Variants in ETS1 observed in about 807,000 individuals in gnomAD.
ETS1 encodes ETS proto-oncogene 1, transcription factor.
In ETS1, 15 loss-of-function variants were observed where a neutral mutation model predicts 58.6. The ratio of observed to expected loss-of-function variants is 0.26; its 90% CI spans 0.17 to 0.39. The LOEUF (loss-of-function observed/expected upper bound fraction) is 0.39, where lower values mean the gene tolerates loss of function less well. ETS1 is among the 10% of genes least tolerant of loss of function. ETS1 has a pLI of 1.00. For missense variants in ETS1, 417 were observed against 610.5 expected, an observed-to-expected ratio of 0.68 and a Z score of 3.34; for synonymous variants, 214 against 218.2, an observed-to-expected ratio of 0.98 and a Z score of 0.17.
At position 128,464,653 on chromosome 11, in the gene ETS1, C is replaced by G. The variant is rs1861987639; in HGVS notation, c.1124-1026G>C. On this transcript the variant is annotated intron_variant, in intron 8 of 9. Transcript: ENST00000392668. The surrounding 1 kb of genome is among the most constrained non-coding windows in gnomAD (Gnocchi z 4.1). ...ACCCAGTCCATGTCTCTGGATACAG[C>G]CCAGGAAGCACCAGCTCCTACAGGA... Among the ~76,000 whole-genome samples, 1 of 152,118 alleles carries G rather than the reference C, an allele frequency of 6.6e-6. No individual in the cohort carries two copies.
chr11:128,562,403 C>T (rs1007463930), intron 2 of ETS1, among the ~76,000 whole-genome samples: 1 of 151,988 alleles, frequency 6.6e-6, no homozygotes, highest in African/African-American at 2.4e-5. Context: ...TGTGAGACTC[C>T]ATCTCAAAAA....
intron 3 of ETS1, among the ~76,000 whole-genome samples, chr11:128,498,917 T>A (rs1412405311): frequency 6.6e-6 from 1 of 152,226 alleles, no homozygotes; most frequent in Non-Finnish European, 1.5e-5. Context: ...ACTTTATAGT[T>A]CCTAAATGTC....
intron 3 of ETS1, among the ~76,000 whole-genome samples, chr11:128,529,333 T>C (rs1296313391): frequency 6.6e-6 from 1 of 151,968 alleles, no homozygotes; most frequent in East Asian, 1.9e-4. Flanking sequence ...GGGTTGGAAG[T>C]AGAAATGGGG....
At position 128,463,822 on chromosome 11, in the gene ETS1, A is replaced by G; in HGVS notation, c.1124-195T>C. ...ATAGAAAAGACAAAGGCCTCCCTAT[A>G]AAACAAAAGCATGGAAGAAAATGTG... On this transcript the variant is annotated intron_variant, in intron 8 of 9. Transcript: ENST00000392668. This position sits in a 1 kb window ranked among gnomAD's most constrained non-coding sequence, Gnocchi z 4.1. 2.3e-6 allele frequency: 1 copy of G among 427,254 alleles called. No individual in the cohort carries two copies. The highest frequency in any genetic ancestry group is 4.3e-6 in the Non-Finnish European group (1 of 234,204). The allele number at this position is 427,254 out of a possible 1,614,324, so 26.5% of individuals were successfully genotyped here.
At chr11:128,529,624 G>A (rs1000346614) in intron 3 of ETS1, among the ~76,000 whole-genome samples, 2 of 152,150 alleles carry the variant, frequency 1.3e-5, no homozygotes, top group Non-Finnish European at 2.9e-5. Context: ...GGGGAATCAT[G>A]AACACACATT....
At chr11:128,551,717 A>G (rs1864232495) in intron 3 of ETS1, among the ~76,000 whole-genome samples, 1 of 152,130 alleles carries the variant, frequency 6.6e-6, no homozygotes, top group African/African-American at 2.4e-5. Context: ...AACGTGTTCA[A>G]CCAATCAGTG....
In ETS1 at chr11:128,502,412, G is replaced by A. The variant is rs567950999; in HGVS notation, c.215-11836C>T. Among the ~76,000 whole-genome samples, 21 of 152,232 alleles carry A rather than the reference G, an allele frequency of 1.4e-4. No homozygotes were observed. In the South Asian group the frequency reaches 1.7e-3, roughly 12 times the overall value. On this transcript the variant is annotated intron_variant, in intron 3 of 9. Coordinates refer to ENST00000392668, the MANE Select transcript of ETS1 (RefSeq NM_001143820.2). ...ACAGAGGTTGCAGGAAGGTGGGAAC[G>A]CCAAGGAAAAAATAACCAATCGATG...
intron 8 of ETS1, among the ~76,000 whole-genome samples, chr11:128,477,719 T>C (rs1862360771): frequency 6.6e-6 from 1 of 152,240 alleles, no homozygotes; most frequent in Non-Finnish European, 1.5e-5. Context: ...AGTTCAAGTC[T>C]AAGGATATTT....
At chr11:128,508,533 C>T (rs934875676) in intron 3 of ETS1, among the ~76,000 whole-genome samples, 2 of 152,144 alleles carry the variant, frequency 1.3e-5, no homozygotes, top group African/African-American at 2.4e-5. Context: ...ATGAAAGGGA[C>T]GCTGTGTGAT....
intron 3 of ETS1, among the ~76,000 whole-genome samples, chr11:128,534,248 TA>T (rs984370204): frequency 6.6e-6 from 1 of 152,202 alleles, no homozygotes; most frequent in Non-Finnish European, 1.5e-5. Context: ...CTTTAGACCA[TA>T]AAAAATTTCC....
intron 3 of ETS1, among the ~76,000 whole-genome samples, chr11:128,546,195 A>G (rs1026716456): frequency 6.6e-6 from 1 of 152,244 alleles, no homozygotes; most frequent in African/African-American, 2.4e-5. Context: ...TAGACTGGAG[A>G]AGTCTGAAAA....
At chr11:128,487,975 T>C (rs946145438) in intron 5 of ETS1, among the ~76,000 whole-genome samples, 1 of 152,126 alleles carries the variant, frequency 6.6e-6, no homozygotes, top group African/African-American at 2.4e-5. Context: ...GTAACTACAA[T>C]CAGAGATGGG....
chr11:128,530,318 A>T (rs992830065), intron 3 of ETS1: 3 of 152,206 alleles, frequency 2.0e-5, no homozygotes, highest in Non-Finnish European at 4.4e-5. Context: ...CTCACATCTC[A>T]TCTATCTGGA....
chr11:128,504,438 C>T (rs1358163717), intron 3 of ETS1, among the ~76,000 whole-genome samples: 1 of 152,230 alleles, frequency 6.6e-6, no homozygotes, highest in East Asian at 1.9e-4. Flanking sequence ...ACTTTAACAA[C>T]TCCTTGGAGG....
chr11:128,550,987 G>A (rs1034611660), intron 3 of ETS1, among the ~76,000 whole-genome samples: 6 of 152,256 alleles, frequency 3.9e-5, no homozygotes, highest in Admixed American at 3.3e-4. Context: ...TTTTCTCAGG[G>A]ACAGCATTAG....
At chr11:128,546,834 G>A (rs975976337) in intron 3 of ETS1, among the ~76,000 whole-genome samples, 2 of 152,028 alleles carry the variant, frequency 1.3e-5, no homozygotes, top group Non-Finnish European at 2.9e-5. Context: ...TAAGGATGCT[G>A]GGGAAAATCT....
intron 2 of ETS1, among the ~76,000 whole-genome samples, chr11:128,558,026 CA>C (rs1450849068): frequency 3.3e-5 from 5 of 152,148 alleles, no homozygotes; most frequent in Non-Finnish European, 7.4e-5. Flanking sequence ...ACAATGAACC[CA>C]AAAGGCAGAA....
chr11:128,542,815 C>G (rs1565403348), intron 3 of ETS1, among the ~76,000 whole-genome samples: 1 of 152,154 alleles, frequency 6.6e-6, no homozygotes, highest in Non-Finnish European at 1.5e-5. Flanking sequence ...AACACACCCT[C>G]CATGTATTAA....
At chr11:128,543,968 T>C (rs11221342) in intron 3 of ETS1, among the ~76,000 whole-genome samples, 33,700 of 152,058 alleles carry the variant, frequency 0.22, 4,237 homozygotes, top group East Asian at 0.55. Context: ...TTAGGAAGAG[T>C]TAAGTCTACA....
Sources: gnomAD v4.1 joint callset for allele counts (sites outside exome capture counted in the v4.1 genomes callset) on GRCh38, gnomAD v4.1.1 for gene constraint, Gnocchi (gnomAD v3.1) non-coding constraint, MANE v1.5 for transcripts, NCBI Gene and HGNC (gene_info 2026-07-23, HGNC 2026-07-21) for gene names.